Variants in TRIO observed in about 807,000 individuals in gnomAD.
The protein encoded by TRIO is trio Rho guanine nucleotide exchange factor, also known as triple functional domain protein.
TRIO carries 58 observed loss-of-function variants against 351.9 expected under a neutral mutation model. The observed-to-expected ratio is 0.16, with a 90% CI of 0.13 to 0.21. The LOEUF (loss-of-function observed/expected upper bound fraction) is 0.21, where lower values mean the gene tolerates loss of function less well. Ranked by LOEUF, TRIO falls within the 10% of genes least tolerant of loss-of-function variation. TRIO has a pLI of 1.00. For missense variants in TRIO, 3,201 were observed against 4,027.8 expected (o/e 0.79, Z 5.56); for synonymous variants, 1,758 against 1,595.7 (o/e 1.10, Z -2.42).
intron 6 of TRIO, among the ~76,000 whole-genome samples, chr5:14,295,770 C>T (rs564743928): frequency 4.5e-4 from 69 of 152,314 alleles, no homozygotes; most frequent in African/African-American, 1.3e-3. Flanking sequence ...TAATGCCACA[C>T]GAGCCAGAGA....
intron 1 of TRIO, among the ~76,000 whole-genome samples, chr5:14,207,529 C>CACAT (rs1273222993): frequency 1.7e-4 from 25 of 144,244 alleles, no homozygotes; most frequent in Non-Finnish European, 4.6e-5. Flanking sequence ...TCTCTACACA[C>CACAT]ACACACACAC....
rs61737134 is a variant in TRIO, at chr5:14,374,258, C to T, written c.3246C>T (p.Asp1082=). ...GCACCCTTGCTCGGAGGAATGCAGACGTCTTCCTGAAATACCTGCACAGGA... is the reference window on the plus strand; with the variant it reads ...GCACCCTTGCTCGGAGGAATGCAGATGTCTTCCTGAAATACCTGCACAGGA... The part of the protein sequence containing the change: ...KACTLARRNA[D]VFLKYLHRNS... The change falls in exon 19 of 57, where the codon GAC becomes GAT. Residue 1082 remains aspartate, a synonymous_variant. Coordinates refer to ENST00000344204, the MANE Select transcript of TRIO (RefSeq NM_007118.4). 2.5e-6 allele frequency: 4 copies of T among 1,613,424 alleles called. No homozygotes were observed. The highest frequency in any genetic ancestry group is 1.1e-5 in the South Asian group (1 of 91,056).
rs114533967 is a variant in TRIO at position 14,191,513 on chromosome 5, C to T, written c.157+47631C>T. 8.2e-3 allele frequency among the ~76,000 whole-genome samples: 1,055 copies of T among 129,052 alleles called. 13 individuals carry two copies. The highest frequency in any genetic ancestry group is 0.03 in the African/African-American group (998 of 33,652). 84.7% of individuals were successfully genotyped at this position (129,052 alleles called of 152,430 possible). On this transcript the variant is annotated intron_variant, in intron 1 of 56. Coordinates refer to ENST00000344204, the MANE Select transcript of TRIO (RefSeq NM_007118.4). ...ACTCCATACACTCCAGCCTGGGTGACAGAGTAAGACCCTGTTTCTTTAAAA... is the reference window on the plus strand; with the variant it reads ...ACTCCATACACTCCAGCCTGGGTGATAGAGTAAGACCCTGTTTCTTTAAAA...
intron 1 of TRIO, among the ~76,000 whole-genome samples, chr5:14,196,278 C>T (rs1581326157): frequency 6.6e-6 from 1 of 152,112 alleles, no homozygotes; most frequent in South Asian, 2.1e-4. Flanking sequence ...CAAAAATTAG[C>T]TGGGCGTGGT....
intron 1 of TRIO, among the ~76,000 whole-genome samples, chr5:14,197,750 C>G (rs1209317448): frequency 6.6e-6 from 1 of 152,074 alleles, no homozygotes; most frequent in Non-Finnish European, 1.5e-5. Context: ...TTTTTTGCAC[C>G]AGTTCTTCAA....
chr5:14,292,405 A>C (rs564524004), intron 5 of TRIO, among the ~76,000 whole-genome samples: 1 of 151,972 alleles, frequency 6.6e-6, no homozygotes, highest in Non-Finnish European at 1.5e-5. Context: ...AAATGTTTTC[A>C]TTGCAAATGT....
chr5:14,268,424 G>C (rs1344020641), intron 1 of TRIO, among the ~76,000 whole-genome samples: 2 of 152,194 alleles, frequency 1.3e-5, no homozygotes, highest in East Asian at 3.8e-4. Flanking sequence ...ATTGGGATCA[G>C]GACATTCTTC....
At chr5:14,453,106 G>A (rs116722620) in intron 34 of TRIO, among the ~76,000 whole-genome samples, 2,670 of 151,754 alleles carry the variant, frequency 0.018, 38 homozygotes, top group Middle Eastern at 0.061. Flanking sequence ...ATCTAGCATG[G>A]ACTTTTTTTG....
chr5:14,157,527 G>C (rs1179870765), intron 1 of TRIO, among the ~76,000 whole-genome samples: 16 of 106,110 alleles, frequency 1.5e-4, no homozygotes, highest in Admixed American at 5.9e-4. Flanking sequence ...CTCTCTCCCT[G>C]TCTCCCTCTC....
chr5:14,507,909 A>G lies in TRIO; in HGVS notation c.8781A>G (p.Leu2927=). The change falls in exon 57 of 57, where the codon TTA becomes TTG. Residue 2927 remains leucine, a synonymous_variant. Transcript: ENST00000344204. Reference sequence around the variant, plus strand: ...AGAATATCCTGGTGGATGAGAGTTTAGCCAAGCCAACCATCAAACTGGCTG... The same window carrying G: ...AGAATATCCTGGTGGATGAGAGTTTGGCCAAGCCAACCATCAAACTGGCTG... ...KPENILVDES[L]AKPTIKLADF... 2 of 1,614,046 alleles carry G rather than the reference A, an allele frequency of 1.2e-6. No homozygotes were observed. Among genetic ancestry groups the G allele is most frequent in the East Asian group, 2.2e-5 (1 of 44,886 alleles).
At chr5:14,163,117 T>C (rs915769748) in intron 1 of TRIO, among the ~76,000 whole-genome samples, 2 of 152,228 alleles carry the variant, frequency 1.3e-5, no homozygotes, top group African/African-American at 4.8e-5. Flanking sequence ...CGTCTAGGTT[T>C]TAAGCCCTGC....
At chr5:14,429,308 G>A (rs556620738) in intron 34 of TRIO, among the ~76,000 whole-genome samples, 81 of 152,316 alleles carry the variant, frequency 5.3e-4, no homozygotes, top group African/African-American at 1.5e-3. Context: ...AGACAGACCC[G>A]AGTGTGGCTT....
chr5:14,401,556 A>C (rs1045924699), intron 31 of TRIO, among the ~76,000 whole-genome samples: 1 of 152,008 alleles, frequency 6.6e-6, no homozygotes, highest in Non-Finnish European at 1.5e-5. Flanking sequence ...GGGAAAGAGG[A>C]ATGATTATTA....
intron 48 of TRIO, chr5:14,490,956 T>C: frequency 2.4e-6 from 1 of 414,792 alleles, no homozygotes; most frequent in Non-Finnish European, 4.8e-6. Context: ...GCCAAAGCCT[T>C]CCCTGTACAG....
intron 1 of TRIO, among the ~76,000 whole-genome samples, chr5:14,227,228 C>A (rs1793101455): frequency 6.6e-6 from 1 of 152,158 alleles, no homozygotes; most frequent in African/African-American, 2.4e-5. Context: ...CAGATGCCAG[C>A]CGTTGTATCA....
At chr5:14,339,440 G>T (rs1741736442) in intron 11 of TRIO, among the ~76,000 whole-genome samples, 1 of 152,230 alleles carries the variant, frequency 6.6e-6, no homozygotes, top group Non-Finnish European at 1.5e-5. Context: ...TTTCTAGTAT[G>T]TATGAGTTTG....
rs1736354990 is a variant in TRIO at position 14,285,406 on chromosome 5, G to T, written c.348-1465G>T. Among the ~76,000 whole-genome samples, 3 of 151,796 alleles carry T rather than the reference G, an allele frequency of 2.0e-5. No homozygotes were observed. In the South Asian group the frequency reaches 6.3e-4, roughly 32 times the overall value. On this transcript the variant is annotated intron_variant, in intron 3 of 56. Coordinates refer to ENST00000344204, the MANE Select transcript of TRIO (RefSeq NM_007118.4). ...CTAACCATACAGGCATTTTTTTGGG[G>T]TGTTGATGTGATACACCCTCTTACT...
intron 11 of TRIO, among the ~76,000 whole-genome samples, chr5:14,343,539 A>T (rs2152325061): frequency 6.6e-6 from 1 of 152,036 alleles, no homozygotes; most frequent in South Asian, 2.1e-4. Flanking sequence ...CTTTTTTTTA[A>T]CTCAGCACAA....
At chr5:14,216,559 G>A (rs1462037143) in intron 1 of TRIO, among the ~76,000 whole-genome samples, 1 of 152,198 alleles carries the variant, frequency 6.6e-6, no homozygotes, top group Non-Finnish European at 1.5e-5. Flanking sequence ...CTTGTGGTCT[G>A]TTCTCATAAT....
Sources: allele counts gnomAD v4.1 joint callset (sites outside exome capture counted in the v4.1 genomes callset), GRCh38; gene constraint gnomAD v4.1.1; transcripts MANE v1.5; gene names NCBI Gene and HGNC (gene_info 2026-07-23, HGNC 2026-07-21).